Variants in SEMA6D observed in about 807,000 individuals in gnomAD.
The protein encoded by SEMA6D is semaphorin-6D.
In SEMA6D, 35 loss-of-function variants were observed where a neutral mutation model predicts 106.6. The observed-to-expected ratio is 0.33, with a 90% confidence interval of 0.25 to 0.44. SEMA6D has a LOEUF of 0.44. Ranked by LOEUF, SEMA6D falls within the 20% of genes least tolerant of loss-of-function variation. SEMA6D has a pLI of 1.00. For synonymous variants in SEMA6D, 499 were observed against 487.7 expected (o/e 1.02, Z -0.31); for missense variants, 1,185 against 1,345.9 (o/e 0.88, Z 1.87).
At chr15:47,433,519 A>T (rs953944932) in intron 2 of SEMA6D, among the ~76,000 whole-genome samples, 1 of 152,108 alleles carries the variant, frequency 6.6e-6, no homozygotes, top group African/African-American at 2.4e-5. Flanking sequence ...TTTAGATTTC[A>T]ATAAAAATTG....
intron 1 of SEMA6D, among the ~76,000 whole-genome samples, chr15:47,385,274 G>A (rs975802114): frequency 1.3e-5 from 2 of 152,002 alleles, no homozygotes; most frequent in Non-Finnish European, 2.9e-5. Context: ...GGGCTTCATA[G>A]ACCTGGTTTC....
intron 4 of SEMA6D, among the ~76,000 whole-genome samples, chr15:47,709,046 G>A (rs532090594): frequency 6.6e-6 from 1 of 152,106 alleles, no homozygotes; most frequent in Non-Finnish European, 1.5e-5. Flanking sequence ...TGCATCAGTG[G>A]GCCTTCTTGC....
intron 1 of SEMA6D, among the ~76,000 whole-genome samples, chr15:47,271,403 T>A (rs556818045): frequency 2.0e-5 from 3 of 152,168 alleles, no homozygotes; most frequent in Non-Finnish European, 2.9e-5. Context: ...GGCAGTTAGC[T>A]GTGTCTAGGT....
At chr15:47,513,269 AATTAT>A (rs1460133659) in intron 3 of SEMA6D, among the ~76,000 whole-genome samples, 9 of 152,200 alleles carry the variant, frequency 5.9e-5, no homozygotes, top group South Asian at 2.1e-4. Flanking sequence ...TGTATCTATA[AATTAT>A]ATTATAATAT....
At chr15:47,346,082 G>A (rs1423017011) in intron 1 of SEMA6D, among the ~76,000 whole-genome samples, 5 of 152,120 alleles carry the variant, frequency 3.3e-5, no homozygotes, top group African/African-American at 2.4e-5. Flanking sequence ...CAGGAACCCT[G>A]TTGCTACCTA....
chr15:47,683,479 AGTTTAT>A (rs1229472123), intron 4 of SEMA6D, among the ~76,000 whole-genome samples: 1 of 152,244 alleles, frequency 6.6e-6, no homozygotes, highest in Non-Finnish European at 1.5e-5. Context: ...AAAAGCTAGT[AGTTTAT>A]GAAAAATCTC....
chr15:47,642,129 C>A (rs114651732), intron 4 of SEMA6D, among the ~76,000 whole-genome samples: 3,810 of 152,292 alleles, frequency 0.025, 177 homozygotes, highest in African/African-American at 0.087. Context: ...AGCATCAAAT[C>A]TTTCTGTAGT....
At chr15:47,597,084 AAAAT>A (rs1359919753) in intron 3 of SEMA6D, among the ~76,000 whole-genome samples, 39 of 152,228 alleles carry the variant, frequency 2.6e-4, no homozygotes, top group African/African-American at 8.9e-4. Context: ...CAATAGCAGA[AAAAT>A]AAATAACTCA....
At chr15:47,437,187 T>C (rs2041745373) in intron 2 of SEMA6D, among the ~76,000 whole-genome samples, 1 of 152,064 alleles carries the variant, frequency 6.6e-6, no homozygotes, top group South Asian at 2.1e-4. Flanking sequence ...AATATCTCCT[T>C]AGCCAATTGC....
intron 3 of SEMA6D, among the ~76,000 whole-genome samples, chr15:47,546,950 G>T (rs1330938159): frequency 1.3e-5 from 2 of 152,038 alleles, no homozygotes; most frequent in Non-Finnish European, 2.9e-5. Flanking sequence ...TCAAGAGCTA[G>T]ACATCCTAGC....
At chr15:47,279,345 G>T (rs369268208) in intron 1 of SEMA6D, among the ~76,000 whole-genome samples, 4 of 119,048 alleles carry the variant, frequency 3.4e-5, no homozygotes, top group Non-Finnish European at 4.9e-5. Context: ...ATTGGTGTAT[G>T]AGAATGCTTG....
intron 4 of SEMA6D, among the ~76,000 whole-genome samples, chr15:47,612,357 CA>C (rs1263079593): frequency 2.0e-5 from 3 of 152,194 alleles, no homozygotes; most frequent in African/African-American, 7.2e-5. Context: ...ATGCAATCAT[CA>C]GTCCCTTGCC....
chr15:47,764,381 C>T, intron 11 of SEMA6D, 76 bp downstream of exon 11: 1 of 1,525,246 alleles, frequency 6.6e-7, no homozygotes, highest in East Asian at 2.3e-5. Context: ...CCTCAGGGAG[C>T]AGCTTGGCCA....
rs151103464 is a variant in SEMA6D at position 47,746,002 on chromosome 15, A to T, written c.-54-13743A>T. On this transcript the variant is annotated intron_variant, in intron 1 of 18. Transcript: ENST00000536845. ...AGAATCCTGATAAGGTTAATGCTCT[A>T]AATCTTTCTGAGCAATCAGTAATCT... Among the ~76,000 whole-genome samples, 235 of 152,368 alleles carry T rather than the reference A, an allele frequency of 1.5e-3. 1 individual carries two copies. Among genetic ancestry groups the T allele is most frequent in the East Asian group, 0.013 (66 of 5,192 alleles).
At chr15:47,342,030 TTTTGTTTG>T (rs369835163) in intron 1 of SEMA6D, among the ~76,000 whole-genome samples, 1 of 152,084 alleles carries the variant, frequency 6.6e-6, no homozygotes, top group East Asian at 1.9e-4. Context: ...TTTTTTTCTT[TTTTGTTTG>T]TTTGTTTGTT....
chr15:47,216,810 A>G (rs1486971659), intron 1 of SEMA6D, among the ~76,000 whole-genome samples: 1 of 152,158 alleles, frequency 6.6e-6, no homozygotes, highest in African/African-American at 2.4e-5. Context: ...TCAGAATAAG[A>G]TGCAATTTTT....
At chr15:47,528,522 A>G (rs998472580) in intron 3 of SEMA6D, among the ~76,000 whole-genome samples, 3 of 152,200 alleles carry the variant, frequency 2.0e-5, no homozygotes, top group Non-Finnish European at 4.4e-5. Flanking sequence ...GCCAACATTT[A>G]GAAGACTGGA....
intron 1 of SEMA6D, among the ~76,000 whole-genome samples, chr15:47,294,511 G>A (rs745596975): frequency 3.9e-5 from 6 of 152,042 alleles, no homozygotes; most frequent in Non-Finnish European, 8.8e-5. Flanking sequence ...TCTGAGCCAC[G>A]GTGCCCAGCC....
At chr15:47,755,333 AAAAG>A (rs2081656297) in intron 1 of SEMA6D, among the ~76,000 whole-genome samples, 1 of 152,154 alleles carries the variant, frequency 6.6e-6, no homozygotes, top group South Asian at 2.1e-4. Context: ...CTTGCACAAA[AAAAG>A]CACAGTTATT....
Sources: gnomAD v4.1 joint callset for allele counts (sites outside exome capture counted in the v4.1 genomes callset) on GRCh38, gnomAD v4.1.1 for gene constraint, MANE v1.5 for transcripts, NCBI Gene and HGNC (gene_info 2026-07-23, HGNC 2026-07-21) for gene names.